FGF7: variants seen among roughly 807,000 people sequenced by gnomAD.
The protein encoded by FGF7 is fibroblast growth factor 7.
In FGF7, 6 loss-of-function variants were observed where a neutral mutation model predicts 20.5. The observed-to-expected ratio is 0.29, with a 90% CI of 0.16 to 0.58. The LOEUF is 0.58. Ranked by LOEUF, FGF7 falls within the 20% of genes least tolerant of loss-of-function variation. The pLI is 0.90. For missense variants in FGF7, 144 were observed against 228.8 expected, an observed-to-expected ratio of 0.63 and a Z score of 2.39; for synonymous variants, 64 against 74.7, an observed-to-expected ratio of 0.86 and a Z score of 0.74.
chr15:49,479,677 A>C (rs558251582), intron 2 of FGF7, among the ~76,000 whole-genome samples: 2 of 139,908 alleles, frequency 1.4e-5, no homozygotes, highest in East Asian at 4.3e-4. Context: ...GCAATGGTGA[A>C]ATCTCGGCTC....
intron 2 of FGF7, among the ~76,000 whole-genome samples, chr15:49,427,132 T>C (rs1407396381): frequency 6.6e-6 from 1 of 152,058 alleles, no homozygotes. Context: ...AGCCTTACTA[T>C]AATAATTTTA....
intron 2 of FGF7, among the ~76,000 whole-genome samples, chr15:49,448,684 T>C (rs981489094): frequency 6.6e-6 from 1 of 151,618 alleles, no homozygotes; most frequent in African/African-American, 2.4e-5. Context: ...CATATATATA[T>C]ATATAATAAA....
intron 2 of FGF7, among the ~76,000 whole-genome samples, chr15:49,468,587 A>T (rs142000342): frequency 2.0e-5 from 3 of 152,300 alleles, no homozygotes; most frequent in Admixed American, 6.5e-5. Context: ...TTCAGGGTTC[A>T]TGGGAAAAGA....
rs1289671020 is a variant in FGF7 at position 49,423,269 on chromosome 15, C to G, written c.-438C>G. 6.6e-6 allele frequency: 1 copy of G among 152,154 alleles called. No homozygotes were observed. The highest frequency in any genetic ancestry group is 2.4e-5 in the African/African-American group (1 of 41,420). The allele number at this position is 152,154 out of a possible 1,614,324, so 9.4% of individuals were successfully genotyped here. Reference sequence around the variant, plus strand: ...ACACACACACAAGCACACACGCGCTCACACACAGAGAGAAAATCCTTCTGC... The same window carrying G: ...ACACACACACAAGCACACACGCGCTGACACACAGAGAGAAAATCCTTCTGC... On this transcript the variant is annotated 5_prime_UTR_variant, in exon 1 of 4. Coordinates refer to ENST00000267843, the MANE Select transcript of FGF7 (RefSeq NM_002009.4).
intron 2 of FGF7, among the ~76,000 whole-genome samples, chr15:49,435,502 T>C (rs2051022112): frequency 6.6e-6 from 1 of 151,602 alleles, no homozygotes; most frequent in Non-Finnish European, 1.5e-5. Context: ...ACTACTGATA[T>C]GTCTTTGTTT....
chr15:49,465,060 A>G (rs1231331990), intron 2 of FGF7, among the ~76,000 whole-genome samples: 2 of 152,158 alleles, frequency 1.3e-5, no homozygotes, highest in Non-Finnish European at 2.9e-5. Context: ...ATATAAAATC[A>G]TAATATGGAT....
chr15:49,445,281 C>T (rs1256083231), intron 2 of FGF7, among the ~76,000 whole-genome samples: 1 of 151,630 alleles, frequency 6.6e-6, no homozygotes, highest in African/African-American at 2.4e-5. Context: ...TCTCTACCTC[C>T]TGCTAGTAGT....
At chr15:49,463,455 G>T (rs1205048518) in intron 2 of FGF7, among the ~76,000 whole-genome samples, 1 of 151,512 alleles carries the variant, frequency 6.6e-6, no homozygotes, top group Admixed American at 6.6e-5. Context: ...TTGGGAGGCC[G>T]CAGGAGAATC....
At chr15:49,443,189 A>G (rs1182191012) in intron 2 of FGF7, among the ~76,000 whole-genome samples, 1 of 151,756 alleles carries the variant, frequency 6.6e-6, no homozygotes, top group Non-Finnish European at 1.5e-5. Context: ...TACAGCCATT[A>G]TTAAACATTT....
chr15:49,479,599 G>T (rs12901446), intron 2 of FGF7, among the ~76,000 whole-genome samples: 1,923 of 63,312 alleles, frequency 0.03, 43 homozygotes, highest in East Asian at 0.14. Flanking sequence ...TAATACCTCT[G>T]TTTTTTTTTT....
intron 2 of FGF7, among the ~76,000 whole-genome samples, chr15:49,472,913 C>T (rs1411435669): frequency 1.2e-5 from 1 of 86,128 alleles, no homozygotes; most frequent in African/African-American, 3.0e-5. Context: ...TTTTGGGTAC[C>T]ATACATTTTA....
At position 49,484,801 on chromosome 15, in the gene FGF7, T is replaced by C. The variant is rs975104498; in HGVS notation, c.*297T>C. On this transcript the variant is annotated 3_prime_UTR_variant, in exon 4 of 4. Coordinates refer to ENST00000267843, the MANE Select transcript of FGF7 (RefSeq NM_002009.4). ...AACAGTAATTTTTTTCTTAAATTAA[T>C]TTACCCTTAAGAGTATGTTAGATTT... The C allele has an allele frequency of 1.8e-5, 4 of 225,034 alleles. No individual in the cohort carries two copies. The highest frequency in any genetic ancestry group is 3.4e-5 in the Non-Finnish European group (4 of 116,336). 13.9% of individuals were successfully genotyped at this position (225,034 alleles called of 1,614,324 possible).
At chr15:49,462,572 G>A (rs1597357444) in intron 2 of FGF7, among the ~76,000 whole-genome samples, 2 of 152,036 alleles carry the variant, frequency 1.3e-5, no homozygotes. Flanking sequence ...ATCCACTTTC[G>A]TTGGCACAGA....
intron 2 of FGF7, among the ~76,000 whole-genome samples, chr15:49,429,068 A>G (rs1214557249): frequency 6.6e-6 from 1 of 152,056 alleles, no homozygotes; most frequent in African/African-American, 2.4e-5. Flanking sequence ...GAGATGGTAA[A>G]TTTGCTTATA....
At chr15:49,424,835 A>G in intron 2 of FGF7, 1 of 278,812 alleles carries the variant, frequency 3.6e-6, no homozygotes. Context: ...TTGTCCTGAA[A>G]ATGCTCATAA....
chr15:49,453,156 A>G (rs1325399802), intron 2 of FGF7, among the ~76,000 whole-genome samples: 1 of 152,118 alleles, frequency 6.6e-6, no homozygotes, highest in African/African-American at 2.4e-5. Context: ...CCCATTTTAT[A>G]TTCTCTGTAA....
intron 2 of FGF7, among the ~76,000 whole-genome samples, chr15:49,448,832 A>G (rs759215484): frequency 3.3e-5 from 5 of 151,846 alleles, no homozygotes; most frequent in African/African-American, 4.8e-5. Context: ...GAAGCTCTCC[A>G]AGAATGAACC....
Position 49,449,651 on chromosome 15 carries a change from G to C in FGF7, c.286+25068G>C, listed in dbSNP as rs187525469. 9.2e-5 allele frequency among the ~76,000 whole-genome samples: 14 copies of C among 152,070 alleles called. No individual in the cohort carries two copies. In the East Asian group the frequency reaches 2.7e-3, roughly 29 times the overall value. ...TTAAGGCAAATATGCCATACTGTCG[G>C]CTCATCTTAAGCTTGTCCAGGTCCC... On this transcript the variant is annotated intron_variant, in intron 2 of 3. Transcript: ENST00000267843.
intron 2 of FGF7, among the ~76,000 whole-genome samples, chr15:49,446,513 G>C (rs2052229986): frequency 6.6e-6 from 1 of 151,548 alleles, no homozygotes; most frequent in Admixed American, 6.6e-5. Flanking sequence ...AGGAGGTAAA[G>C]AACTGGGAAA....
Sources: gnomAD v4.1 joint callset for allele counts (sites outside exome capture counted in the v4.1 genomes callset) on GRCh38, gnomAD v4.1.1 for gene constraint, MANE v1.5 for transcripts, NCBI Gene and HGNC (gene_info 2026-07-23, HGNC 2026-07-21) for gene names.